NSUN3: variants seen among roughly 807,000 people sequenced by gnomAD.
NSUN3 encodes the protein NOP2/Sun RNA methyltransferase 3, also known as tRNA (cytosine(34)-C(5))-methyltransferase, mitochondrial.
A neutral mutation model predicts 36.8 loss-of-function variants in NSUN3; 24 were observed. The ratio of observed to expected loss-of-function variants is 0.65; its 90% confidence interval spans 0.47 to 0.92. The LOEUF is 0.92. Among genes scored for constraint, NSUN3 ranks in the 40% least tolerant of loss-of-function variants. The pLI, the probability that NSUN3 is intolerant of heterozygous loss-of-function variation, is 0.00. For missense variants in NSUN3, 381 were observed against 392.8 expected (o/e 0.97, Z 0.25); for synonymous variants, 146 against 145.2 (o/e 1.01, Z -0.04).
intron 3 of NSUN3, among the ~76,000 whole-genome samples, chr3:94,086,803 G>A (rs1447009535): frequency 6.6e-6 from 1 of 152,172 alleles, no homozygotes; most frequent in Non-Finnish European, 1.5e-5. Context: ...GGAATTGTAT[G>A]TTATAAGGAG....
At chr3:94,077,258 G>A in intron 2 of NSUN3, 1 of 588,802 alleles carries the variant, frequency 1.7e-6, no homozygotes, top group South Asian at 2.0e-5. Context: ...ATTTGCATAT[G>A]TTGAACCAGT....
intron 2 of NSUN3, among the ~76,000 whole-genome samples, chr3:94,064,782 T>A (rs1396970453): frequency 6.6e-6 from 1 of 152,208 alleles, no homozygotes; most frequent in African/African-American, 2.4e-5. Flanking sequence ...GCCTTTGCTT[T>A]GAGCAATTAC....
intron 2 of NSUN3, chr3:94,081,696 A>G (rs1267883924): frequency 6.6e-6 from 1 of 151,880 alleles, no homozygotes; most frequent in Non-Finnish European, 1.5e-5. Flanking sequence ...CTCTTAAACA[A>G]TAAGCTTAAA....
Position 94,129,972 on chromosome 3 carries a change from T to C in NSUN3, c.*3482T>C, listed in dbSNP as rs2077503462. Among the ~76,000 whole-genome samples the C allele has an allele frequency of 6.6e-6, 1 of 152,052 alleles. No individual in the cohort carries two copies. The highest frequency in any genetic ancestry group is 1.5e-5 in the Non-Finnish European group (1 of 68,002). ...GGTTCCACCATCTTGGCCAGGTTGA[T>C]CTTGAACTCCTGACCTTGTCATCCA... On this transcript the variant is annotated 3_prime_UTR_variant, in exon 6 of 6. Coordinates refer to ENST00000314622, the MANE Select transcript of NSUN3 (RefSeq NM_022072.5).
intron 3 of NSUN3, among the ~76,000 whole-genome samples, chr3:94,088,696 A>T (rs2077302702): frequency 6.9e-6 from 1 of 144,960 alleles, no homozygotes; most frequent in Admixed American, 6.9e-5. Context: ...TTTTAGACAT[A>T]GAGTCTCTCT....
intron 5 of NSUN3, among the ~76,000 whole-genome samples, chr3:94,110,801 C>A (rs766703929): frequency 5.3e-5 from 8 of 151,394 alleles, no homozygotes. Context: ...TATATGTATG[C>A]ACATATATAC....
intron 3 of NSUN3, among the ~76,000 whole-genome samples, chr3:94,089,933 C>G (rs2077307730): frequency 6.6e-6 from 1 of 152,124 alleles, no homozygotes; most frequent in Non-Finnish European, 1.5e-5. Flanking sequence ...TTACCTCCCA[C>G]TAACACTTTT....
At chr3:94,095,230 C>T (rs990533153) in intron 5 of NSUN3, 76 bp downstream of exon 5, 9 of 1,418,742 alleles carry the variant, frequency 6.3e-6, no homozygotes, top group Non-Finnish European at 6.9e-6. Flanking sequence ...ATGTCAGGCC[C>T]CCAGTGGAGG....
intron 2 of NSUN3, chr3:94,076,540 C>T (rs2077247289): frequency 2.5e-6 from 2 of 802,272 alleles, no homozygotes; most frequent in Non-Finnish European, 4.5e-6. Context: ...CCACATTTCC[C>T]TCCTTTGGAA....
intron 5 of NSUN3, among the ~76,000 whole-genome samples, chr3:94,097,925 G>A (rs764143254): frequency 6.6e-6 from 1 of 151,974 alleles, no homozygotes; most frequent in Non-Finnish European, 1.5e-5. Context: ...TCTCAAATAT[G>A]AATCTAAGCT....
At chr3:94,075,827 G>A (rs2077243500) in intron 2 of NSUN3, 1 of 955,538 alleles carries the variant, frequency 1.0e-6, no homozygotes, top group Non-Finnish European at 1.6e-6. Context: ...AACAAAGTCT[G>A]TCTCATAACC....
chr3:94,084,020 G>A (rs1308603248), intron 2 of NSUN3, 87 bp from the exon 3 acceptor site: 1 of 953,996 alleles, frequency 1.0e-6, no homozygotes, highest in Non-Finnish European at 1.6e-6. Context: ...TGTAAAACTA[G>A]GACCACATTC....
intron 2 of NSUN3, among the ~76,000 whole-genome samples, chr3:94,072,380 A>T (rs1451529375): frequency 6.6e-6 from 1 of 152,212 alleles, no homozygotes; most frequent in East Asian, 1.9e-4. Context: ...AACCTCTAAA[A>T]TAGGAGTAAG....
intron 2 of NSUN3, among the ~76,000 whole-genome samples, chr3:94,073,798 G>A (rs572364907): frequency 4.2e-4 from 64 of 152,220 alleles, no homozygotes; most frequent in African/African-American, 1.4e-3. Flanking sequence ...AAGCTCTTTC[G>A]TTTAATTAGA....
Position 94,084,323 on chromosome 3 carries a change from T to A in NSUN3, c.339T>A (p.Tyr113Ter). The A allele has an allele frequency of 6.2e-7, 1 of 1,614,108 alleles. No individual in the cohort carries two copies. The highest frequency in any genetic ancestry group is 8.5e-7 in the Non-Finnish European group (1 of 1,180,002). ...ACCAAATTGGAAACCTGAAAAAATATTATCTCCTAAATGCTGCTTCTCTTC... is the reference window on the plus strand; with the variant it reads ...ACCAAATTGGAAACCTGAAAAAATAATATCTCCTAAATGCTGCTTCTCTTC... ...ERHQIGNLKK[Y>*]YLLNAASLLP... The change falls in exon 3 of 6, where the codon TAT (tyrosine) becomes TAA (stop). Residue 113 changes from tyrosine to a stop codon, truncating the protein, a stop_gained. Coordinates refer to ENST00000314622, the MANE Select transcript of NSUN3 (RefSeq NM_022072.5). LOFTEE classifies it high-confidence loss of function.
intron 2 of NSUN3, chr3:94,082,116 T>C (rs911152193): frequency 1.3e-5 from 2 of 152,220 alleles, no homozygotes; most frequent in Non-Finnish European, 2.9e-5. Context: ...CGATCATTTT[T>C]TTATTACACA....
chr3:94,098,482 G>T lies in NSUN3; in HGVS notation c.743+3328G>T, dbSNP rs552332603. 7.5e-4 allele frequency among the ~76,000 whole-genome samples: 114 copies of T among 152,028 alleles called. 1 individual carries two copies. Among genetic ancestry groups the T allele is most frequent in the African/African-American group, 2.7e-3 (112 of 41,430 alleles). On this transcript the variant is annotated intron_variant, in intron 5 of 5. Coordinates refer to ENST00000314622, the MANE Select transcript of NSUN3 (RefSeq NM_022072.5). ...ACCAGCAAAATTTCACACTCTTTTT[G>T]TTTGTTTGTTTGTTTTTTTAATTTG...
intron 2 of NSUN3, among the ~76,000 whole-genome samples, chr3:94,065,794 G>A (rs984125267): frequency 3.9e-5 from 6 of 152,164 alleles, no homozygotes; most frequent in African/African-American, 4.8e-5. Flanking sequence ...AATAAAGTAT[G>A]TAATAAATTT....
Position 94,095,141 on chromosome 3 carries a change from A to T in NSUN3, c.730A>T (p.Ile244Leu). The change falls in exon 5 of 6, where the codon ATA becomes TTA. Residue 244 changes from isoleucine (I) to leucine (L), a missense_variant. Transcript: ENST00000314622. ...SQRRNLPLLQ[I>L]ELLRSAIKAL... ...AAGGAGGAATTTGCCTCTTCTACAG[A>T]TAGAGCTGTTAAGGTAAGGACTGTT... 1 of 1,613,810 alleles carries T rather than the reference A, an allele frequency of 6.2e-7. No individual in the cohort carries two copies. The highest frequency in any genetic ancestry group is 8.5e-7 in the Non-Finnish European group (1 of 1,179,770).
Sources: allele counts gnomAD v4.1 joint callset (sites outside exome capture counted in the v4.1 genomes callset), GRCh38; gene constraint gnomAD v4.1.1; transcripts MANE v1.5; gene names NCBI Gene and HGNC (gene_info 2026-07-23, HGNC 2026-07-21).